The following NUP155 variants were observed in gnomAD, a reference collection of about 807,000 sequenced individuals.
NUP155 encodes nuclear pore complex protein Nup155.
NUP155 carries 71 observed loss-of-function variants against 180.4 expected under a neutral mutation model. The ratio of observed to expected loss-of-function variants is 0.39; its 90% CI spans 0.33 to 0.48. The LOEUF is 0.48. Among genes scored for constraint, NUP155 ranks in the 20% least tolerant of loss-of-function variants. NUP155 has a pLI of 0.91. For missense variants in NUP155, 1,553 were observed against 1,648.9 expected (o/e 0.94, Z 1.01); for synonymous variants, 582 against 559.5 (o/e 1.04, Z -0.57).
intron 12 of NUP155, among the ~76,000 whole-genome samples, chr5:37,335,676 G>A (rs528328529): frequency 6.6e-6 from 1 of 152,172 alleles, no homozygotes; most frequent in African/African-American, 2.4e-5. Context: ...TTGGCTGGAC[G>A]ACACGGCTTA....
chr5:37,339,070 A>G (rs1241346123), intron 11 of NUP155, among the ~76,000 whole-genome samples: 2 of 152,136 alleles, frequency 1.3e-5, no homozygotes, highest in African/African-American at 4.8e-5. Flanking sequence ...TAAGTGTACT[A>G]TAGAAGCAAT....
At chr5:37,338,055 T>C in intron 11 of NUP155, 137 bp from the exon 12 acceptor site, 2 of 598,398 alleles carry the variant, frequency 3.3e-6, no homozygotes, top group Non-Finnish European at 3.0e-6. Flanking sequence ...GCACGGTGGC[T>C]CATGCCTGTA....
Position 37,371,040 on chromosome 5 carries a change from T to G in NUP155, c.-63A>C. 1 of 1,575,212 alleles carries G rather than the reference T, an allele frequency of 6.3e-7. No homozygotes were observed. The highest frequency in any genetic ancestry group is 8.7e-7 in the Non-Finnish European group (1 of 1,151,442). ...AAAACCAAGGAGAAACAAGAAAAGA[T>G]CCAAGAAGTTAGCTTAGATCCGCCG... On this transcript the variant is annotated 5_prime_UTR_variant, in exon 1 of 35. Transcript: ENST00000231498.
chr5:37,305,316 A>T (rs530136640), intron 25 of NUP155, 106 bp from the exon 26 acceptor site: 14 of 961,278 alleles, frequency 1.5e-5, no homozygotes, highest in Non-Finnish European at 1.5e-5. Context: ...AAGTCAAGGT[A>T]GGAGGACGGC....
Position 37,332,313 on chromosome 5 carries a change from CTTTTTTTTTTTTT to C in NUP155, c.1519-531_1519-519del, listed in dbSNP as rs1021002313. On this transcript the variant is annotated intron_variant, in intron 13 of 34. Coordinates refer to ENST00000231498, the MANE Select transcript of NUP155 (RefSeq NM_153485.3). ...GCAATTGAGGTTTCTGCCATTACAG[CTTTTTTTTTTTTT>C]TTTTTTTTTTTTTTAGACGGAGTCT... Among the ~76,000 whole-genome samples the C allele has an allele frequency of 1.3e-3, 117 of 87,704 alleles. 2 individuals carry two copies. The East Asian group carries it at 0.028, about 21-fold the overall frequency. The allele number at this position is 87,704 out of a possible 152,430, so 57.5% of individuals were successfully genotyped here.
chr5:37,345,261 T>C (rs1348063934), intron 9 of NUP155, among the ~76,000 whole-genome samples: 1 of 151,810 alleles, frequency 6.6e-6, no homozygotes, highest in Admixed American at 6.6e-5. Context: ...ATCCCAGCAC[T>C]TTGAGAGGCT....
rs539831322 is a variant in NUP155 at position 37,289,385 on chromosome 5, C to T, written c.*2515G>A. 6.6e-6 allele frequency: 1 copy of T among 151,986 alleles called. No homozygotes were observed. The highest frequency in any genetic ancestry group is 2.4e-5 in the African/African-American group (1 of 41,522). The allele number at this position is 151,986 out of a possible 1,614,324, so 9.4% of individuals were successfully genotyped here. ...CTAATACAGTGGATAAATGCTACTC[C>T]AACTCTGATCCACTGACTGCCAGGA... is the stretch of plus-strand genomic sequence containing the variant. On this transcript the variant is annotated 3_prime_UTR_variant, in exon 35 of 35. Transcript: ENST00000231498.
chr5:37,295,169 G>A lies in NUP155; in HGVS notation c.3794-704C>T, dbSNP rs1484222490. ...CTGCCTGATTCTCCTGCCTCAGCCT[G>A]CCGAGTGCCTGCGATTGCAGGTGCG... On this transcript the variant is annotated intron_variant, in intron 32 of 34. Coordinates refer to ENST00000231498, the MANE Select transcript of NUP155 (RefSeq NM_153485.3). Among the ~76,000 whole-genome samples, 9 of 152,220 alleles carry A rather than the reference G, an allele frequency of 5.9e-5. No individual in the cohort carries two copies. The South Asian group carries it at 1.7e-3, about 28-fold the overall frequency.
At position 37,370,845 on chromosome 5, in the gene NUP155, C is replaced by T. The variant is rs371123499; in HGVS notation, c.133G>A (p.Glu45Lys). The change falls in exon 1 of 35, where the codon GAG (glutamate) becomes AAG (lysine). Residue 45 changes from glutamate to lysine, a missense_variant. Transcript: ENST00000231498. ...QEDRMYPDLS[E>K]LLMVSAPNNP... ...CTTGGGGCAGACACCATAAGCAGCT[C>T]GGAAAGGTCCGGGTACATGCGGTCC... 6.2e-7 allele frequency: 1 copy of T among 1,614,150 alleles called. No homozygotes were observed. Among genetic ancestry groups the T allele is most frequent in the Non-Finnish European group, 8.5e-7 (1 of 1,180,028 alleles).
rs907478080 is a variant in NUP155 at position 37,289,467 on chromosome 5, A to G, written c.*2433T>C. Reference sequence around the variant, plus strand: ...TCTGTCATAACAGGCTATCCGGCTGATTGTTCTGAATGTGAAAGTTTTAGA... The same window carrying G: ...TCTGTCATAACAGGCTATCCGGCTGGTTGTTCTGAATGTGAAAGTTTTAGA... On this transcript the variant is annotated 3_prime_UTR_variant, in exon 35 of 35. Coordinates refer to ENST00000231498, the MANE Select transcript of NUP155 (RefSeq NM_153485.3). 2 of 152,242 alleles carry G rather than the reference A, an allele frequency of 1.3e-5. No homozygotes were observed. The highest frequency in any genetic ancestry group is 2.9e-5 in the Non-Finnish European group (2 of 68,042). The allele number at this position is 152,242 out of a possible 1,614,324, so 9.4% of individuals were successfully genotyped here. A position where few individuals can be genotyped will look rare whatever the true frequency, so the allele number is the denominator to read the frequency against.
intron 9 of NUP155, among the ~76,000 whole-genome samples, chr5:37,345,929 T>G (rs1324445741): frequency 7.7e-5 from 11 of 143,782 alleles, no homozygotes; most frequent in African/African-American, 2.6e-4. Context: ...AAAAAAAAAG[T>G]GTATTAGTTT....
In NUP155 at chr5:37,289,366, C is replaced by T. The variant is rs1742144135; in HGVS notation, c.*2534G>A. ...ACACCAAGTACAAAGTATACTAATA[C>T]AGTGGATAAATGCTACTCCAACTCT... On this transcript the variant is annotated 3_prime_UTR_variant, in exon 35 of 35. Transcript: ENST00000231498. 2 of 152,176 alleles carry T rather than the reference C, an allele frequency of 1.3e-5. No homozygotes were observed. The highest frequency in any genetic ancestry group is 4.8e-5 in the African/African-American group (2 of 41,434). The allele number at this position is 152,176 out of a possible 1,614,324, so 9.4% of individuals were successfully genotyped here. A position where few individuals can be genotyped will look rare whatever the true frequency, so the allele number is the denominator to read the frequency against.
At chr5:37,363,138 C>G (rs1747328014) in intron 3 of NUP155, among the ~76,000 whole-genome samples, 1 of 152,142 alleles carries the variant, frequency 6.6e-6, no homozygotes, top group Non-Finnish European at 1.5e-5. Context: ...TCTCGGACTC[C>G]TGACCTCAGG....
intron 11 of NUP155, among the ~76,000 whole-genome samples, chr5:37,338,648 G>A (rs890367132): frequency 7.9e-5 from 12 of 151,956 alleles, no homozygotes; most frequent in African/African-American, 2.4e-4. Flanking sequence ...CTCGTGATCC[G>A]CCCAACTTGG....
intron 14 of NUP155, 31 bp from the exon 15 acceptor site, chr5:37,330,163 T>A (rs749663950): frequency 1.8e-5 from 27 of 1,483,784 alleles, no homozygotes; most frequent in Middle Eastern, 3.4e-4. Context: ...TGGCCTTATA[T>A]TAAATACAAA....
chr5:37,324,043 T>C lies in NUP155; in HGVS notation c.2156A>G (p.Glu719Gly). ...SVLQELKGLQ[E>G]FLDRNSQFAG... ...AAACTGGGAGTTTCTGTCTAGAAATTCCTGCAAACCCTTTAGTTCTTGTAG... is the reference window on the plus strand; with the variant it reads ...AAACTGGGAGTTTCTGTCTAGAAATCCCTGCAAACCCTTTAGTTCTTGTAG... The change falls in exon 20 of 35, where the codon GAA becomes GGA. Residue 719 changes from glutamate (E) to glycine (G), a missense_variant. Coordinates refer to ENST00000231498, the MANE Select transcript of NUP155 (RefSeq NM_153485.3). 6.2e-7 allele frequency: 1 copy of C among 1,613,932 alleles called. No homozygotes were observed. The highest frequency in any genetic ancestry group is 8.5e-7 in the Non-Finnish European group (1 of 1,179,870).
intron 8 of NUP155, among the ~76,000 whole-genome samples, 161 bp from the exon 9 acceptor site, chr5:37,348,757 T>G (rs1188320945): frequency 1.3e-5 from 2 of 151,902 alleles, no homozygotes; most frequent in Non-Finnish European, 2.9e-5. Flanking sequence ...GAGAAGTGAG[T>G]TGGGCTTTTT....
chr5:37,299,120 T>C, intron 31 of NUP155, 142 bp from the exon 32 acceptor site: 1 of 698,668 alleles, frequency 1.4e-6, no homozygotes, highest in Non-Finnish European at 2.6e-6. Flanking sequence ...TTGGTGTTTC[T>C]GTTATTGTCT....
At chr5:37,319,504 T>C (rs926054495) in intron 20 of NUP155, among the ~76,000 whole-genome samples, 21 of 152,202 alleles carry the variant, frequency 1.4e-4, no homozygotes, top group Non-Finnish European at 2.6e-4. Context: ...AGTAAATACA[T>C]TTGACAAACT....
Sources: allele counts gnomAD v4.1 joint callset (sites outside exome capture counted in the v4.1 genomes callset), GRCh38; gene constraint gnomAD v4.1.1; transcripts MANE v1.5; gene names NCBI Gene and HGNC (gene_info 2026-07-23, HGNC 2026-07-21).